Variants in PRKCA observed in about 807,000 individuals in gnomAD.
PRKCA encodes protein kinase C alpha type.
PRKCA carries 27 observed loss-of-function variants against 87.0 expected under a neutral mutation model. The observed-to-expected ratio is 0.31, with a 90% confidence interval of 0.23 to 0.43. PRKCA has a LOEUF of 0.43. PRKCA is among the 20% of genes least tolerant of loss of function. PRKCA has a pLI of 1.00. For missense variants in PRKCA, 518 were observed against 852.3 expected (o/e 0.61, Z 4.88); for synonymous variants, 329 against 311.1 (o/e 1.06, Z -0.61).
intron 16 of PRKCA, chr17:66,796,688 C>G (rs1211687000): frequency 2.0e-6 from 2 of 985,202 alleles, no homozygotes; most frequent in African/African-American, 3.5e-5. Flanking sequence ...CATTACCTCC[C>G]AGGAAGCCCA....
chr17:66,543,170 G>A (rs1473258393), intron 3 of PRKCA, among the ~76,000 whole-genome samples: 3 of 152,016 alleles, frequency 2.0e-5, no homozygotes, highest in Non-Finnish European at 2.9e-5. Flanking sequence ...ATTTTCTTCC[G>A]TATGACGACA....
chr17:66,330,431 C>T (rs1567774794), intron 2 of PRKCA, among the ~76,000 whole-genome samples: 1 of 152,098 alleles, frequency 6.6e-6, no homozygotes, highest in African/African-American at 2.4e-5. Flanking sequence ...TGATATGTGA[C>T]TCAGGGAGGT....
intron 2 of PRKCA, among the ~76,000 whole-genome samples, chr17:66,462,261 A>G (rs1914887639): frequency 6.6e-6 from 1 of 152,190 alleles, no homozygotes; most frequent in South Asian, 2.1e-4. Context: ...CTAATGAAAC[A>G]GCTCCTATTT....
intron 8 of PRKCA, among the ~76,000 whole-genome samples, chr17:66,712,240 C>G (rs9893009): frequency 0.49 from 74,931 of 151,960 alleles, 18,934 homozygotes; most frequent in African/African-American, 0.59. Flanking sequence ...GTAAACCCCT[C>G]TCATTGCACC....
At chr17:66,670,599 C>T (rs1972152722) in intron 5 of PRKCA, among the ~76,000 whole-genome samples, 1 of 152,148 alleles carries the variant, frequency 6.6e-6, no homozygotes, top group Non-Finnish European at 1.5e-5. Context: ...TTGTGGCTCA[C>T]ACTTGCAATT....
In PRKCA at chr17:66,765,454, A is replaced by C. The variant is rs59655346; in HGVS notation, c.1525-8533A>C. Among the ~76,000 whole-genome samples the C allele has an allele frequency of 2.8e-3, 368 of 130,038 alleles. 1 individual carries two copies. The highest frequency in any genetic ancestry group is 7.3e-3 in the African/African-American group (255 of 34,706). The allele number at this position is 130,038 out of a possible 152,430, so 85.3% of individuals were successfully genotyped here. A position where few individuals can be genotyped will look rare whatever the true frequency, so the allele number is the denominator to read the frequency against. ...TATATATATATATATATATATATAT[A>C]TCCATATATATACATATTTGTCCAT... On this transcript the variant is annotated intron_variant, in intron 13 of 16. Coordinates refer to ENST00000413366, the MANE Select transcript of PRKCA (RefSeq NM_002737.3).
At chr17:66,475,771 C>A (rs546436606) in intron 2 of PRKCA, among the ~76,000 whole-genome samples, 1 of 152,288 alleles carries the variant, frequency 6.6e-6, no homozygotes, top group Non-Finnish European at 1.5e-5. Flanking sequence ...GATTAATGCC[C>A]AGGGGACTGA....
At chr17:66,411,179 C>T (rs1317226360) in intron 2 of PRKCA, among the ~76,000 whole-genome samples, 1 of 151,882 alleles carries the variant, frequency 6.6e-6, no homozygotes, top group Non-Finnish European at 1.5e-5. Flanking sequence ...TCAAGCGATC[C>T]TCCTACCTTA....
intron 2 of PRKCA, among the ~76,000 whole-genome samples, chr17:66,483,510 G>C (rs1915870465): frequency 6.6e-6 from 1 of 151,064 alleles, no homozygotes. Flanking sequence ...CGCCCAGGCT[G>C]TGGAGTGTGG....
At chr17:66,427,495 G>T (rs903754440) in intron 2 of PRKCA, among the ~76,000 whole-genome samples, 2 of 152,310 alleles carry the variant, frequency 1.3e-5, no homozygotes, top group East Asian at 1.9e-4. Context: ...GAAAAAGTTT[G>T]TTCACTTCTG....
chr17:66,703,770 G>A (rs1171211693), intron 8 of PRKCA: 3 of 151,206 alleles, frequency 2.0e-5, no homozygotes, highest in Non-Finnish European at 4.4e-5. Context: ...ATTCCAGCCT[G>A]GGTGACAGAC....
chr17:66,584,202 T>C (rs1453210606), intron 3 of PRKCA, among the ~76,000 whole-genome samples: 1 of 151,994 alleles, frequency 6.6e-6, no homozygotes, highest in Non-Finnish European at 1.5e-5. Context: ...ATTGTTTTGG[T>C]TTTTGTTTGT....
chr17:66,698,326 C>G (rs919537833), intron 8 of PRKCA, among the ~76,000 whole-genome samples: 1 of 152,118 alleles, frequency 6.6e-6, no homozygotes, highest in African/African-American at 2.4e-5. Context: ...TAAGGAAGCT[C>G]AGAGAGCTAG....
chr17:66,569,134 C>T (rs915579373), intron 3 of PRKCA, among the ~76,000 whole-genome samples: 2 of 152,078 alleles, frequency 1.3e-5, no homozygotes, highest in Non-Finnish European at 2.9e-5. Context: ...ATTTTGTAAA[C>T]AGGATCTAAA....
At chr17:66,527,682 T>C (rs1234260313) in intron 3 of PRKCA, among the ~76,000 whole-genome samples, 8 of 152,252 alleles carry the variant, frequency 5.3e-5, no homozygotes, top group African/African-American at 1.9e-4. Flanking sequence ...ATATCTGTAC[T>C]GCTGTTTATT....
chr17:66,681,726 T>C (rs553125048), intron 5 of PRKCA, among the ~76,000 whole-genome samples: 139 of 152,262 alleles, frequency 9.1e-4, no homozygotes, highest in African/African-American at 3.3e-3. Flanking sequence ...CTGCCCACGC[T>C]CTTGGTCCCT....
chr17:66,556,126 G>A (rs1383827052), intron 3 of PRKCA, among the ~76,000 whole-genome samples: 1 of 151,960 alleles, frequency 6.6e-6, no homozygotes, highest in Non-Finnish European at 1.5e-5. Flanking sequence ...GCACCTTTGA[G>A]CATCGAGTTT....
At chr17:66,617,013 C>A (rs765569245) in intron 3 of PRKCA, among the ~76,000 whole-genome samples, 3 of 151,912 alleles carry the variant, frequency 2.0e-5, no homozygotes, top group Non-Finnish European at 4.4e-5. Context: ...TAAATAAGTT[C>A]CTCGTTTATA....
intron 2 of PRKCA, among the ~76,000 whole-genome samples, chr17:66,387,767 A>G (rs1340341173): frequency 1.3e-5 from 2 of 152,128 alleles, no homozygotes; most frequent in Non-Finnish European, 2.9e-5. Flanking sequence ...GCTTGTTGAG[A>G]AGGAGCCGCA....
Sources: gnomAD v4.1 joint callset for allele counts (sites outside exome capture counted in the v4.1 genomes callset) on GRCh38, gnomAD v4.1.1 for gene constraint, MANE v1.5 for transcripts, NCBI Gene and HGNC (gene_info 2026-07-23, HGNC 2026-07-21) for gene names.